KHDRBS2: variants seen among roughly 807,000 people sequenced by gnomAD.
KHDRBS2 encodes the protein KH RNA binding domain containing, signal transduction associated 2.
In KHDRBS2, 26 loss-of-function variants were observed where a neutral mutation model predicts 44.3. The ratio of observed to expected loss-of-function variants is 0.59; its 90% CI spans 0.43 to 0.81. The LOEUF is 0.81. Ranked by LOEUF, KHDRBS2 falls within the 40% of genes least tolerant of loss-of-function variation. The probability of loss-of-function intolerance (pLI) is 0.00; values close to 1 mark genes in which losing one functional copy is unlikely to be tolerated. For synonymous variants in KHDRBS2, 194 were observed against 151.1 expected (o/e 1.28, Z -2.08); for missense variants, 476 against 433.1 (o/e 1.10, Z -0.88).
chr6:62,064,935 GA>G (rs1449371472), intron 2 of KHDRBS2, among the ~76,000 whole-genome samples: 1 of 150,836 alleles, frequency 6.6e-6, no homozygotes, highest in Non-Finnish European at 1.5e-5. Flanking sequence ...AAATTTACAA[GA>G]AAAAAACAAA....
At chr6:61,946,865 C>G (rs1813475040) in intron 4 of KHDRBS2, among the ~76,000 whole-genome samples, 1 of 152,128 alleles carries the variant, frequency 6.6e-6, no homozygotes, top group Non-Finnish European at 1.5e-5. Flanking sequence ...TTGCCTTTCA[C>G]TGGCCCAACT....
At chr6:61,562,505 A>C in the KHDRBS2 span, among the ~76,000 whole-genome samples, 1 of 152,092 alleles carries the variant, frequency 6.6e-6, no homozygotes, top group Non-Finnish European at 1.5e-5. Context: ...TTTTTCTTAG[A>C]GTTTTTACTC....
chr6:62,177,927 A>G (rs1585078222), intron 1 of KHDRBS2, among the ~76,000 whole-genome samples: 1 of 151,432 alleles, frequency 6.6e-6, no homozygotes, highest in East Asian at 1.9e-4. Flanking sequence ...ACCAAATTCG[A>G]TATTTTGGAG....
chr6:61,988,225 T>A (rs1488172361), intron 3 of KHDRBS2, among the ~76,000 whole-genome samples: 2 of 152,054 alleles, frequency 1.3e-5, no homozygotes, highest in East Asian at 1.9e-4. Context: ...TGTCTTGATA[T>A]AGTAAGAGCA....
intron 6 of KHDRBS2, among the ~76,000 whole-genome samples, chr6:61,795,144 C>CAAAAAAAAAAAAAAAAAAAAAAAAAAA (rs1166333660): frequency 1.7e-5 from 1 of 59,670 alleles, no homozygotes; most frequent in African/African-American, 6.2e-5. Context: ...GACTCCGTCT[C>CAAAAAAAAAAAAAAAAAAAAAAAAAAA]AAAAAAAAAA....
At chr6:61,884,925 G>T (rs1304852051) in intron 6 of KHDRBS2, among the ~76,000 whole-genome samples, 1 of 151,936 alleles carries the variant, frequency 6.6e-6, no homozygotes, top group Non-Finnish European at 1.5e-5. Context: ...AGTTTGTGGG[G>T]CCTCAAAATT....
chr6:62,122,391 A>G (rs145917809), intron 2 of KHDRBS2, among the ~76,000 whole-genome samples: 17,907 of 152,146 alleles, frequency 0.12, 1,363 homozygotes, highest in South Asian at 0.16. Context: ...TGTGACTTGA[A>G]CTGCCTATCA....
rs114439320 is a variant in KHDRBS2, at chr6:61,718,105, A to G, written c.893+14577T>C. Among the ~76,000 whole-genome samples, 1,417 of 152,180 alleles carry G rather than the reference A, an allele frequency of 9.3e-3. 14 individuals carry two copies. The highest frequency in any genetic ancestry group is 0.031 in the African/African-American group (1,308 of 41,536). Reference sequence around the variant, plus strand: ...TATGTTGTTGCAGGGATTAAATGAGATAAAACACCTCCCAACACTTAGCGT... The same window carrying G: ...TATGTTGTTGCAGGGATTAAATGAGGTAAAACACCTCCCAACACTTAGCGT... On this transcript the variant is annotated intron_variant, in intron 7 of 8. Coordinates refer to ENST00000281156, the MANE Select transcript of KHDRBS2 (RefSeq NM_152688.4).
chr6:62,076,505 T>G (rs571886852), intron 2 of KHDRBS2, among the ~76,000 whole-genome samples: 1 of 152,142 alleles, frequency 6.6e-6, no homozygotes, highest in South Asian at 2.1e-4. Context: ...TAATGTTGGT[T>G]GTAGTGAAAT....
intron 1 of KHDRBS2, among the ~76,000 whole-genome samples, chr6:62,206,897 A>T (rs1828070412): frequency 6.6e-6 from 1 of 152,110 alleles, no homozygotes; most frequent in African/African-American, 2.4e-5. Context: ...ATTTGTTTTA[A>T]CTTGAAATTT....
intron 1 of KHDRBS2, among the ~76,000 whole-genome samples, chr6:62,186,578 T>C (rs1823467789): frequency 6.7e-6 from 1 of 148,832 alleles, no homozygotes; most frequent in Non-Finnish European, 1.5e-5. Context: ...ATATCATACA[T>C]ATTCATTTAA....
At chr6:61,672,751 T>C in the KHDRBS2 span, among the ~76,000 whole-genome samples, 1 of 151,446 alleles carries the variant, frequency 6.6e-6, no homozygotes, top group Non-Finnish European at 1.5e-5. Context: ...TATTAGCCCT[T>C]TGTCAGATGA....
At chr6:61,985,529 A>G (rs887202666) in intron 3 of KHDRBS2, among the ~76,000 whole-genome samples, 5 of 152,116 alleles carry the variant, frequency 3.3e-5, no homozygotes, top group Non-Finnish European at 7.4e-5. Context: ...CCCAAGAGGA[A>G]GTTTTCAAAT....
chr6:61,590,960 T>C, the KHDRBS2 span, among the ~76,000 whole-genome samples: 20 of 152,120 alleles, frequency 1.3e-4, no homozygotes, highest in African/African-American at 4.6e-4. Flanking sequence ...CCAGAATGAG[T>C]ACTTTATAAT....
chr6:61,686,713 T>C (rs932084343), intron 8 of KHDRBS2, among the ~76,000 whole-genome samples: 7 of 151,616 alleles, frequency 4.6e-5, no homozygotes, highest in African/African-American at 1.5e-4. Flanking sequence ...CTCAGAAAGT[T>C]TAGTTGTTGG....
intron 2 of KHDRBS2, among the ~76,000 whole-genome samples, chr6:62,165,544 TC>T (rs1156803840): frequency 6.6e-6 from 1 of 151,882 alleles, no homozygotes; most frequent in African/African-American, 2.4e-5. Context: ...AAAAACTAAA[TC>T]AATCTTGCAT....
chr6:61,916,965 ATTTTTTT>A (rs10700035), intron 4 of KHDRBS2, among the ~76,000 whole-genome samples: 63 of 90,642 alleles, frequency 7.0e-4, no homozygotes, highest in African/African-American at 1.2e-3. Flanking sequence ...GGAACTCTGT[ATTTTTTT>A]TTTTTTTTTT....
At chr6:61,712,313 T>A (rs936904559) in intron 7 of KHDRBS2, among the ~76,000 whole-genome samples, 2 of 151,872 alleles carry the variant, frequency 1.3e-5, no homozygotes, top group Non-Finnish European at 2.9e-5. Context: ...AAGAATACTC[T>A]ACCGCATTCT....
At chr6:61,911,109 A>T (rs925906263) in intron 4 of KHDRBS2, among the ~76,000 whole-genome samples, 11 of 152,202 alleles carry the variant, frequency 7.2e-5, no homozygotes, top group African/African-American at 2.2e-4. Flanking sequence ...AAGTGTACAC[A>T]TTCTATGCAT....
Sources: allele counts gnomAD v4.1 joint callset (sites outside exome capture counted in the v4.1 genomes callset), GRCh38; gene constraint gnomAD v4.1.1; transcripts MANE v1.5; gene names NCBI Gene and HGNC (gene_info 2026-07-23, HGNC 2026-07-21).